The following PTPRN2 variants were observed in gnomAD, a reference collection of about 807,000 sequenced individuals.
The protein encoded by PTPRN2 is protein tyrosine phosphatase receptor type N2, also known as receptor-type tyrosine-protein phosphatase N2.
In PTPRN2, 74 loss-of-function variants were observed where a neutral mutation model predicts 118.8. The observed-to-expected ratio is 0.62, with a 90% confidence interval of 0.52 to 0.76. The LOEUF (loss-of-function observed/expected upper bound fraction) is 0.76, where lower values mean the gene tolerates loss of function less well. Among genes scored for constraint, PTPRN2 ranks in the 30% least tolerant of loss-of-function variants. The pLI is 0.00. For missense variants in PTPRN2, 1,481 were observed against 1,394.4 expected (o/e 1.06, Z -0.99); for synonymous variants, 641 against 608.0 (o/e 1.05, Z -0.80).
chr7:157,918,048 C>A (rs534791777), intron 11 of PTPRN2, among the ~76,000 whole-genome samples: 57 of 152,232 alleles, frequency 3.7e-4, no homozygotes, highest in South Asian at 2.9e-3. Flanking sequence ...TCAAACCTAC[C>A]CCTAAAAGAT....
chr7:157,675,955 A>C (rs944916205), intron 13 of PTPRN2, among the ~76,000 whole-genome samples: 4 of 152,174 alleles, frequency 2.6e-5, no homozygotes, highest in African/African-American at 7.2e-5. Context: ...GAGGGGAATA[A>C]GATAAGAAGG....
chr7:157,665,507 T>G (rs958267589), intron 13 of PTPRN2, among the ~76,000 whole-genome samples: 1 of 152,242 alleles, frequency 6.6e-6, no homozygotes, highest in East Asian at 1.9e-4. Context: ...CACTGAGGGC[T>G]GGGCATGGGC....
chr7:158,107,437 A>G (rs1815774467), intron 10 of PTPRN2, among the ~76,000 whole-genome samples: 1 of 152,108 alleles, frequency 6.6e-6, no homozygotes, highest in Admixed American at 6.6e-5. Context: ...ACCAGGTGGG[A>G]AACAGCTGCA....
At chr7:157,922,681 C>T (rs1374124529) in intron 11 of PTPRN2, among the ~76,000 whole-genome samples, 1 of 152,182 alleles carries the variant, frequency 6.6e-6, no homozygotes, top group African/African-American at 2.4e-5. Flanking sequence ...AAGGTTGGTT[C>T]TTTTCCTTCC....
chr7:157,828,077 G>C (rs574452078), intron 12 of PTPRN2, among the ~76,000 whole-genome samples: 1 of 152,278 alleles, frequency 6.6e-6, no homozygotes, highest in South Asian at 2.1e-4. Context: ...CGTAAGTTCT[G>C]GTTTTCCTCC....
intron 1 of PTPRN2, chr7:158,532,807 C>T: frequency 1.9e-6 from 1 of 534,730 alleles, no homozygotes; most frequent in South Asian, 1.4e-5. Context: ...TGCGTGCAGG[C>T]TTCCGTGCAG....
intron 12 of PTPRN2, among the ~76,000 whole-genome samples, chr7:157,720,587 A>T (rs909825043): frequency 2.6e-5 from 4 of 152,228 alleles, no homozygotes; most frequent in Admixed American, 2.0e-4. Flanking sequence ...ATGGGTGTGC[A>T]CGCGGGGACC....
intron 2 of PTPRN2, among the ~76,000 whole-genome samples, chr7:158,324,690 AG>A (rs201928558): frequency 0.032 from 3,467 of 108,840 alleles, 134 homozygotes; most frequent in African/African-American, 0.11. Context: ...CTTCAGAGTA[AG>A]GGTGGGGCTC....
At chr7:158,419,098 C>T (rs1010904046) in intron 2 of PTPRN2, among the ~76,000 whole-genome samples, 1 of 152,226 alleles carries the variant, frequency 6.6e-6, no homozygotes, top group Non-Finnish European at 1.5e-5. Context: ...TTGACTCTGA[C>T]CCTCTTGCCA....
At chr7:158,322,265 T>C (rs1803086956) in intron 2 of PTPRN2, among the ~76,000 whole-genome samples, 2 of 152,156 alleles carry the variant, frequency 1.3e-5, no homozygotes, top group Non-Finnish European at 1.5e-5. Context: ...CACTGCAGGC[T>C]CCATGCTCCA....
chr7:157,727,802 C>G (rs1036919493), intron 12 of PTPRN2, among the ~76,000 whole-genome samples: 2 of 152,212 alleles, frequency 1.3e-5, no homozygotes, highest in Non-Finnish European at 2.9e-5. Flanking sequence ...GAGCCCAGAC[C>G]CCCGCGACCA....
At chr7:158,371,119 T>C (rs894364746) in intron 2 of PTPRN2, among the ~76,000 whole-genome samples, 1 of 152,180 alleles carries the variant, frequency 6.6e-6, no homozygotes, top group East Asian at 1.9e-4. Flanking sequence ...TGACCAGGTA[T>C]GTGACTGCGC....
chr7:157,976,506 C>T (rs1001536660), intron 11 of PTPRN2, among the ~76,000 whole-genome samples: 3 of 148,752 alleles, frequency 2.0e-5, no homozygotes, highest in Non-Finnish European at 3.0e-5. Flanking sequence ...CCCAGGTTCT[C>T]GCCCACTCTG....
chr7:157,798,057 G>C (rs1365168440), intron 12 of PTPRN2, among the ~76,000 whole-genome samples: 1 of 152,102 alleles, frequency 6.6e-6, no homozygotes, highest in Admixed American at 6.5e-5. Flanking sequence ...TCAGGAGTTC[G>C]AGACCAGTCT....
At chr7:158,166,870 C>T (rs1365122613) in intron 6 of PTPRN2, 61 bp downstream of exon 6, 3 of 1,399,494 alleles carry the variant, frequency 2.1e-6, no homozygotes, top group Non-Finnish European at 2.8e-6. Flanking sequence ...GCGTCTGTCA[C>T]TGGGAGGGGC....
At chr7:157,994,467 G>A (rs1216061116) in intron 11 of PTPRN2, among the ~76,000 whole-genome samples, 1 of 141,640 alleles carries the variant, frequency 7.1e-6, no homozygotes, top group Non-Finnish European at 1.6e-5. Flanking sequence ...CAGCGTTAGA[G>A]CGAGCGCCTT....
intron 11 of PTPRN2, among the ~76,000 whole-genome samples, chr7:158,052,541 C>T (rs1462431556): frequency 3.9e-5 from 6 of 152,192 alleles, no homozygotes; most frequent in Admixed American, 2.0e-4. Flanking sequence ...GGGGTGCGGC[C>T]GCTGCTTTGC....
intron 10 of PTPRN2, among the ~76,000 whole-genome samples, chr7:158,082,821 T>G (rs190051978): frequency 4.5e-4 from 69 of 152,238 alleles, no homozygotes; most frequent in Non-Finnish European, 9.0e-4. Flanking sequence ...TGCGTCCAGC[T>G]CTACTGCATG....
chr7:158,534,689 G>T (rs1053571113), intron 1 of PTPRN2, among the ~76,000 whole-genome samples: 1 of 152,176 alleles, frequency 6.6e-6, no homozygotes, highest in African/African-American at 2.4e-5. Context: ...CCAGGCCAAA[G>T]CTAGCCTACC....
Sources: gnomAD v4.1 joint callset for allele counts (sites outside exome capture counted in the v4.1 genomes callset) on GRCh38, gnomAD v4.1.1 for gene constraint, MANE v1.5 for transcripts, NCBI Gene and HGNC (gene_info 2026-07-23, HGNC 2026-07-21) for gene names.